Variants in SCGB2A2 observed in about 807,000 individuals in gnomAD.
SCGB2A2 encodes the protein mammaglobin-A.
Under a neutral mutation model 8.8 loss-of-function variants are expected in SCGB2A2, and 11 were observed. The ratio of observed to expected loss-of-function variants is 1.25; its 90% confidence interval spans 0.79 to 2.07. The LOEUF is 2.07. Among genes scored for constraint, SCGB2A2 ranks in the 30% most tolerant of loss-of-function variants. The probability of loss-of-function intolerance (pLI) is 0.00; values close to 1 mark genes in which losing one functional copy is unlikely to be tolerated. For missense variants in SCGB2A2, 113 were observed against 109.9 expected, an observed-to-expected ratio of 1.03 and a Z score of -0.13; for synonymous variants, 42 against 40.9, an observed-to-expected ratio of 1.03 and a Z score of -0.10.
chr11:62,270,346 C>T, intron 1 of SCGB2A2, 75 bp downstream of exon 1: 1 of 1,335,360 alleles, frequency 7.5e-7, no homozygotes, highest in Non-Finnish European at 1.1e-6. Flanking sequence ...ACTCCTGCTC[C>T]CCAATTCTCA....
intron 2 of SCGB2A2, chr11:62,271,274 AGT>A (rs536192644): frequency 9.7e-4 from 1,417 of 1,461,492 alleles, no homozygotes; most frequent in Non-Finnish European, 1.2e-3. Flanking sequence ...GAGAATCCTC[AGT>A]GGATGATAAA....
chr11:62,270,381 G>A, intron 1 of SCGB2A2, 110 bp downstream of exon 1: 2 of 1,016,714 alleles, frequency 2.0e-6, no homozygotes, highest in Non-Finnish European at 3.1e-6. Flanking sequence ...CAGTACAAAG[G>A]CTGTAGGTAT....
At chr11:62,272,732 A>G (rs1040165006) in intron 2 of SCGB2A2, among the ~76,000 whole-genome samples, 2 of 150,130 alleles carry the variant, frequency 1.3e-5, no homozygotes, top group Non-Finnish European at 2.9e-5. Flanking sequence ...TATTTGTTGA[A>G]TACATTATTT....
intron 2 of SCGB2A2, chr11:62,271,571 CCA>C: frequency 9.4e-7 from 1 of 1,066,988 alleles, no homozygotes; most frequent in Non-Finnish European, 1.1e-6. Context: ...ACAGACAGAA[CCA>C]CACAACCACA....
intron 2 of SCGB2A2, 126 bp from the exon 3 acceptor site, chr11:62,272,831 C>T: frequency 1.7e-6 from 1 of 586,518 alleles, no homozygotes; most frequent in East Asian, 3.0e-5. Context: ...ACTTCCAGCC[C>T]TAACCGTCTG....
chr11:62,270,880 G>A lies in SCGB2A2; in HGVS notation c.56-1G>A. ...CTTGTTTCCTTGTGCATCCTTCCCA[G>A]GCTCTGGCTGCCCCTTATTGGAGAA... On this transcript the variant is annotated splice_acceptor_variant, in intron 1 of 2. Coordinates refer to ENST00000227918, the MANE Select transcript of SCGB2A2 (RefSeq NM_002411.4). LOFTEE classifies it high-confidence loss of function. 1.2e-6 allele frequency: 2 copies of A among 1,612,984 alleles called. No homozygotes were observed. Among genetic ancestry groups the A allele is most frequent in the Non-Finnish European group, 8.5e-7 (1 of 1,179,174 alleles).
At chr11:62,272,141 G>C in intron 2 of SCGB2A2, 1 of 274,716 alleles carries the variant, frequency 3.6e-6, no homozygotes, top group African/African-American at 2.3e-5. Flanking sequence ...TCTACAACAT[G>C]GATGAACCTT....
chr11:62,270,334 G>A, intron 1 of SCGB2A2, 63 bp downstream of exon 1: 1 of 1,431,858 alleles, frequency 7.0e-7, no homozygotes, highest in East Asian at 2.3e-5. Flanking sequence ...CTCTATGGAA[G>A]AACTCCTGCT....
intron 1 of SCGB2A2, 85 bp downstream of exon 1, chr11:62,270,356 A>C: frequency 3.3e-6 from 4 of 1,222,032 alleles, no homozygotes; most frequent in African/African-American, 1.5e-5. Context: ...CCCAATTCTC[A>C]GCAGAGATCA....
intron 2 of SCGB2A2, among the ~76,000 whole-genome samples, chr11:62,272,590 G>C (rs1035896347): frequency 6.6e-6 from 1 of 151,232 alleles, no homozygotes; most frequent in Non-Finnish European, 1.5e-5. Flanking sequence ...GCGTCGGACT[G>C]CTGGGATGCT....
At chr11:62,271,740 A>T (rs1012507750) in intron 2 of SCGB2A2, 50 of 986,250 alleles carry the variant, frequency 5.1e-5, no homozygotes, top group Admixed American at 1.2e-4. Context: ...GTTCTTTCTT[A>T]AAAAATGCCC....
chr11:62,271,594 G>A, intron 2 of SCGB2A2: 1 of 1,044,820 alleles, frequency 9.6e-7, no homozygotes. Flanking sequence ...GAAACACAGA[G>A]ACACACACAA....
chr11:62,272,858 T>C (rs1945291063), intron 2 of SCGB2A2, 99 bp from the exon 3 acceptor site: 1 of 848,666 alleles, frequency 1.2e-6, no homozygotes, highest in Non-Finnish European at 1.8e-6. Flanking sequence ...TAGATGGTTG[T>C]GGGCAAACCG....
chr11:62,271,315 G>T, intron 2 of SCGB2A2: 2 of 1,442,978 alleles, frequency 1.4e-6, no homozygotes, highest in Non-Finnish European at 1.8e-6. Flanking sequence ...AAAAGGAAAG[G>T]TCGGTAGAAG....
chr11:62,271,594 G>GAC lies in SCGB2A2; in HGVS notation c.243+534_243+535dup, dbSNP rs902311024. 155 of 1,044,820 alleles carry GAC rather than the reference G, an allele frequency of 1.5e-4. No individual in the cohort carries two copies. In the African/African-American group the frequency reaches 2.4e-3, roughly 16 times the overall value. The allele number at this position is 1,044,820 out of a possible 1,614,324, so 64.7% of individuals were successfully genotyped here. On this transcript the variant is annotated intron_variant, in intron 2 of 2. Transcript: ENST00000227918. ...AACCACACAACCACAGAAACACAGAGACACACACAAACACACTCAGACACA... is the reference window on the plus strand; with the variant it reads ...AACCACACAACCACAGAAACACAGAGACACACACACAAACACACTCAGACACA...
chr11:62,271,227 A>G, intron 2 of SCGB2A2, 159 bp downstream of exon 2: 1 of 1,516,100 alleles, frequency 6.6e-7, no homozygotes, highest in Non-Finnish European at 8.8e-7. Flanking sequence ...TGCCATCAAG[A>G]AAAACATCCA....
Position 62,271,258 on chromosome 11 carries a change from T to C in SCGB2A2, c.243+190T>C, listed in dbSNP as rs918854592. 9 of 1,476,160 alleles carry C rather than the reference T, an allele frequency of 6.1e-6. No individual in the cohort carries two copies. In the South Asian group the frequency reaches 1.1e-4, roughly 18 times the overall value. 91.4% of individuals were successfully genotyped at this position (1,476,160 alleles called of 1,614,324 possible). A position where few individuals can be genotyped will look rare whatever the true frequency, so the allele number is the denominator to read the frequency against. On this transcript the variant is annotated intron_variant, in intron 2 of 2. Transcript: ENST00000227918. The stretch of plus-strand genomic sequence containing the variant: ...ATCCAGTGTCCCTGTGTTGTCACTC[T>C]ACCCAGAGAATCCTCAGTGGATGAT...
At chr11:62,272,135 C>A (rs1317841090) in intron 2 of SCGB2A2, 1 of 292,264 alleles carries the variant, frequency 3.4e-6, no homozygotes, top group Non-Finnish European at 5.0e-6. Context: ...ACGCTTTCTA[C>A]AACATGGATG....
At chr11:62,272,933 G>C in intron 2 of SCGB2A2, 24 bp from the exon 3 acceptor site, 2 of 1,566,652 alleles carry the variant, frequency 1.3e-6, no homozygotes, top group Non-Finnish European at 1.7e-6. Context: ...AAATCTAAGT[G>C]ATGTCTCTGT....
Sources: gnomAD v4.1 joint callset for allele counts (sites outside exome capture counted in the v4.1 genomes callset) on GRCh38, gnomAD v4.1.1 for gene constraint, MANE v1.5 for transcripts, NCBI Gene and HGNC (gene_info 2026-07-23, HGNC 2026-07-21) for gene names.